MS4A6E: variants seen among roughly 807,000 people sequenced by gnomAD.
MS4A6E encodes the protein membrane-spanning 4-domains subfamily A member 6E.
In MS4A6E, 8 loss-of-function variants were observed where a neutral mutation model predicts 13.2. The ratio of observed to expected loss-of-function variants is 0.60; its 90% CI spans 0.35 to 1.09. The LOEUF (loss-of-function observed/expected upper bound fraction) is 1.09. Ranked by LOEUF, MS4A6E falls within the 50% of genes least tolerant of loss-of-function variation. The probability of loss-of-function intolerance (pLI) is 0.02; values close to 1 mark genes in which losing one functional copy is unlikely to be tolerated. For synonymous variants in MS4A6E, 72 were observed against 67.6 expected, an observed-to-expected ratio of 1.06 and a Z score of -0.32; for missense variants, 177 against 171.1, an observed-to-expected ratio of 1.03 and a Z score of -0.19.
chr11:60,328,455 G>A (rs1248196546), intron 1 of MS4A6E, among the ~76,000 whole-genome samples: 2 of 151,878 alleles, frequency 1.3e-5, no homozygotes, highest in Non-Finnish European at 2.9e-5. Flanking sequence ...GAAGATCTTT[G>A]GGGCTCCCAT....
At chr11:60,331,695 C>T (rs757307242) in intron 1 of MS4A6E, among the ~76,000 whole-genome samples, 2 of 152,090 alleles carry the variant, frequency 1.3e-5, no homozygotes, top group Non-Finnish European at 2.9e-5. Flanking sequence ...TCAATTGATT[C>T]GGGTGGTGTT....
chr11:60,339,762 C>A, intron 3 of MS4A6E, 104 bp from the exon 4 acceptor site: 2 of 950,122 alleles, frequency 2.1e-6, no homozygotes, highest in Non-Finnish European at 1.7e-6. Context: ...TTACTTCATT[C>A]TCTAATGGTT....
chr11:60,338,668 G>C (rs967088713), intron 3 of MS4A6E: 1 of 152,086 alleles, frequency 6.6e-6, no homozygotes, highest in Non-Finnish European at 1.5e-5. Flanking sequence ...AAAATTAAGG[G>C]GTATGTGCAT....
chr11:60,329,886 C>T lies in MS4A6E; in HGVS notation c.-15+2478C>T, dbSNP rs570621667. On this transcript the variant is annotated intron_variant, in intron 1 of 4. Coordinates refer to ENST00000684409, the MANE Select transcript of MS4A6E (RefSeq NM_139249.4). ...AGTCACCCAGGCTGGACTGCTGTGG[C>T]ACAATCTCAGCTCACTGCTACCTCT... is the stretch of plus-strand genomic sequence containing the variant. 3.1e-4 allele frequency among the ~76,000 whole-genome samples: 45 copies of T among 146,812 alleles called. No individual in the cohort carries two copies. In the East Asian group the frequency reaches 4.4e-3, roughly 14 times the overall value.
chr11:60,339,132 T>TTC (rs2085207826), intron 3 of MS4A6E, among the ~76,000 whole-genome samples: 1 of 151,954 alleles, frequency 6.6e-6, no homozygotes, highest in African/African-American at 2.4e-5. Context: ...TCAAATTACC[T>TTC]CCCTTTATTA....
intron 4 of MS4A6E, 76 bp downstream of exon 4, chr11:60,340,040 G>C: frequency 1.9e-6 from 3 of 1,588,166 alleles, no homozygotes; most frequent in Non-Finnish European, 2.6e-6. Context: ...ATGTCACCAA[G>C]AGTGGTAGAA....
At chr11:60,346,579 C>T (rs958763328) in intron 4 of MS4A6E, among the ~76,000 whole-genome samples, 1 of 152,160 alleles carries the variant, frequency 6.6e-6, no homozygotes, top group Admixed American at 6.5e-5. Context: ...TCTCATCTGG[C>T]TTTTGGTCTA....
Position 60,334,962 on chromosome 11 carries a change from C to T in MS4A6E, c.67C>T (p.Gln23Ter). ...MLPSNVINFS[Q>*]AEKPEPTNQG... ...CCCATCAAATGTCATCAACTTCTCC[C>T]AAGCAGAGAAACCCGAACCCACCAA... is the stretch of plus-strand genomic sequence containing the variant. Residue 23 changes from glutamine (Q) to a stop codon, truncating the protein, a stop_gained, in exon 2 of 5, where the codon CAA (glutamine) becomes TAA (stop). Transcript: ENST00000684409. LOFTEE classifies it high-confidence loss of function. The T allele has an allele frequency of 6.2e-7, 1 of 1,614,136 alleles. No individual in the cohort carries two copies. The highest frequency in any genetic ancestry group is 1.7e-5 in the Admixed American group (1 of 60,018).
intron 1 of MS4A6E, among the ~76,000 whole-genome samples, chr11:60,332,573 CCTT>C (rs2085163727): frequency 6.6e-6 from 1 of 152,210 alleles, no homozygotes; most frequent in East Asian, 1.9e-4. Flanking sequence ...GGACATCTGT[CCTT>C]CTCTTATTTG....
At chr11:60,341,487 T>C (rs970539578), downstream of MS4A6E, among the ~76,000 whole-genome samples, 5 of 152,280 alleles carry the variant, frequency 3.3e-5, no homozygotes, top group South Asian at 2.1e-4. Flanking sequence ...GGAATGCTTA[T>C]CTGTTATGAA....
intron 1 of MS4A6E, among the ~76,000 whole-genome samples, chr11:60,334,170 A>G (rs1431160886): frequency 6.6e-6 from 1 of 152,210 alleles, no homozygotes; most frequent in African/African-American, 2.4e-5. Context: ...CTCTGAGAAC[A>G]AAGGCAAGCA....
intron 2 of MS4A6E, 147 bp downstream of exon 2, chr11:60,335,189 G>C (rs2085181120): frequency 8.7e-7 from 1 of 1,148,452 alleles, no homozygotes; most frequent in Non-Finnish European, 1.2e-6. Context: ...GGAGAAAACT[G>C]TCCCAGAACT....
At chr11:60,344,617 T>A (rs182979521), downstream of MS4A6E, among the ~76,000 whole-genome samples, 7 of 152,288 alleles carry the variant, frequency 4.6e-5, no homozygotes, top group East Asian at 1.4e-3. Flanking sequence ...ACTGTAGCCA[T>A]CCTGAGAGCT....
downstream of MS4A6E, among the ~76,000 whole-genome samples, chr11:60,342,000 T>C (rs770489211): frequency 4.3e-4 from 66 of 152,218 alleles, no homozygotes; most frequent in Non-Finnish European, 9.0e-4. Flanking sequence ...AAGATATTTA[T>C]AGTCAAATAA....
intron 3 of MS4A6E, chr11:60,338,408 A>G (rs1160239050): frequency 5.9e-6 from 1 of 168,572 alleles, no homozygotes; most frequent in Non-Finnish European, 1.3e-5. Flanking sequence ...AACAGAGAAT[A>G]GGAAATATGG....
At chr11:60,329,824 CT>C (rs35452287) in intron 1 of MS4A6E, among the ~76,000 whole-genome samples, 4,336 of 135,096 alleles carry the variant, frequency 0.032, 123 homozygotes, top group African/African-American at 0.089. Context: ...CCTTCACCCA[CT>C]TTTTTTTTTT....
rs548257688 is a variant in MS4A6E at position 60,330,148 on chromosome 11, GTTGT to G, written c.-15+2747_-15+2750del. Among the ~76,000 whole-genome samples, 52 of 149,434 alleles carry G rather than the reference GTTGT, an allele frequency of 3.5e-4. No individual in the cohort carries two copies. The South Asian group carries it at 4.7e-3, about 14-fold the overall frequency. ...CCTCCTTCACCCACTTTTTGATGGG[GTTGT>G]TTGTTTTTTTCTTGTAAGTTTGTTT... On this transcript the variant is annotated intron_variant, in intron 1 of 4. Transcript: ENST00000684409.
chr11:60,339,614 G>A (rs370449219), intron 3 of MS4A6E, among the ~76,000 whole-genome samples: 4 of 152,310 alleles, frequency 2.6e-5, no homozygotes, highest in Non-Finnish European at 4.4e-5. Context: ...TCAAAGAAGT[G>A]AGAAACAAGT....
chr11:60,343,145 G>A (rs1435562206), downstream of MS4A6E, among the ~76,000 whole-genome samples: 1 of 152,068 alleles, frequency 6.6e-6, no homozygotes, highest in African/African-American at 2.4e-5. Context: ...GGCCAAAAGA[G>A]ATAAATTTTA....
Sources: allele counts gnomAD v4.1 joint callset (sites outside exome capture counted in the v4.1 genomes callset), GRCh38; gene constraint gnomAD v4.1.1; transcripts MANE v1.5; gene names NCBI Gene and HGNC (gene_info 2026-07-23, HGNC 2026-07-21).